Variants in F2RL3 observed in about 807,000 individuals in gnomAD.
F2RL3 encodes proteinase-activated receptor 4.
A neutral mutation model predicts 4.9 loss-of-function variants in F2RL3; 3 were observed. That is an observed-to-expected ratio of 0.61 (90% CI 0.28 to 1.58). The LOEUF (loss-of-function observed/expected upper bound fraction) is 1.58. F2RL3 is among the 40% of genes most tolerant of loss of function. The pLI is 0.11. For synonymous variants in F2RL3, 284 were observed against 278.4 expected, an observed-to-expected ratio of 1.02 and a Z score of -0.20; for missense variants, 564 against 550.4, an observed-to-expected ratio of 1.02 and a Z score of -0.25.
chr19:16,892,368 A>G lies in F2RL3; in HGVS notation c.*1747A>G, dbSNP rs1483965506. On this transcript the variant is annotated 3_prime_UTR_variant, in exon 2 of 2. Transcript: ENST00000248076. ...CCCCCAACTCTGCTCCCCAAAACCC[A>G]TCACTAGCACGGCTCAGCCTCCTGC... is the stretch of plus-strand genomic sequence containing the variant. 2.0e-5 allele frequency: 3 copies of G among 152,744 alleles called. No homozygotes were observed. Among genetic ancestry groups the G allele is most frequent in the Admixed American group, 6.5e-5 (1 of 15,332 alleles). 9.5% of individuals were successfully genotyped at this position (152,744 alleles called of 1,614,324 possible).
rs2051782823 is a variant in F2RL3, at chr19:16,890,888, A to C, written c.*267A>C. On this transcript the variant is annotated 3_prime_UTR_variant, in exon 2 of 2. Coordinates refer to ENST00000248076, the MANE Select transcript of F2RL3 (RefSeq NM_003950.4). The stretch of plus-strand genomic sequence containing the variant: ...TGGATCACTTGAGCCCAGGAGTTCA[A>C]CACCAGCCTGAGCAACATGGTAAAA... 2.2e-6 allele frequency: 1 copy of C among 458,234 alleles called. No individual in the cohort carries two copies. The highest frequency in any genetic ancestry group is 3.9e-6 in the Non-Finnish European group (1 of 258,544). The allele number at this position is 458,234 out of a possible 1,614,324, so 28.4% of individuals were successfully genotyped here. A position where few individuals can be genotyped will look rare whatever the true frequency, so the allele number is the denominator to read the frequency against.
rs200157063 is a variant in F2RL3, at chr19:16,889,774, C to T, written c.311C>T (p.Thr104Met). The change falls in exon 2 of 2, where the codon ACG (threonine) becomes ATG (methionine). Residue 104 changes from threonine (T) to methionine (M), a missense_variant. Transcript: ENST00000248076. ...GGGCTGGCGCTGTGGGTGCTGGCCA[C>T]GCAGGCACCTCGGCTGCCCTCCACC... ...ANGLALWVLA[T>M]QAPRLPSTML... 1.6e-4 allele frequency: 261 copies of T among 1,599,102 alleles called. No homozygotes were observed. In the African/African-American group the frequency reaches 1.9e-3, roughly 12 times the overall value.
Position 16,890,829 on chromosome 19 carries a change from C to T in F2RL3, c.*208C>T. 1 of 583,036 alleles carries T rather than the reference C, an allele frequency of 1.7e-6. No homozygotes were observed. Among genetic ancestry groups the T allele is most frequent in the Non-Finnish European group, 3.0e-6 (1 of 330,766 alleles). 36.1% of individuals were successfully genotyped at this position (583,036 alleles called of 1,614,324 possible). On this transcript the variant is annotated 3_prime_UTR_variant, in exon 2 of 2. Coordinates refer to ENST00000248076, the MANE Select transcript of F2RL3 (RefSeq NM_003950.4). ...AGAGGCCAGGCCTGGTGGCTCACGC[C>T]TGTAATCCCAGCACTTTAAGAGGCC...
Position 16,890,824 on chromosome 19 carries a change from C to T in F2RL3, c.*203C>T, listed in dbSNP as rs1008177338. Reference sequence around the variant, plus strand: ...TAAGGAGAGGCCAGGCCTGGTGGCTCACGCCTGTAATCCCAGCACTTTAAG... The same window carrying T: ...TAAGGAGAGGCCAGGCCTGGTGGCTTACGCCTGTAATCCCAGCACTTTAAG... On this transcript the variant is annotated 3_prime_UTR_variant, in exon 2 of 2. Coordinates refer to ENST00000248076, the MANE Select transcript of F2RL3 (RefSeq NM_003950.4). The T allele has an allele frequency of 6.8e-6, 4 of 588,942 alleles. No individual in the cohort carries two copies. The African/African-American group carries it at 7.5e-5, about 11-fold the overall frequency. 36.5% of individuals were successfully genotyped at this position (588,942 alleles called of 1,614,324 possible).
In F2RL3 at chr19:16,890,966, G is replaced by A. The variant is rs994676154; in HGVS notation, c.*345G>A. ...TAGCTGGGCTTGGTGGCTGGCGCCT[G>A]TAATCCCAGCTACTCAGGAGACTGA... On this transcript the variant is annotated 3_prime_UTR_variant, in exon 2 of 2. Coordinates refer to ENST00000248076, the MANE Select transcript of F2RL3 (RefSeq NM_003950.4). 4.3e-6 allele frequency: 1 copy of A among 235,240 alleles called. No homozygotes were observed. Among genetic ancestry groups the A allele is most frequent in the Non-Finnish European group, 8.3e-6 (1 of 120,556 alleles). The allele number at this position is 235,240 out of a possible 1,614,324, so 14.6% of individuals were successfully genotyped here.
chr19:16,892,274 G>C lies in F2RL3; in HGVS notation c.*1653G>C, dbSNP rs1278986820. ...ATGCTGTGGCCCCACCAGGCCCAGA[G>C]CCTGGTTGGCCATTCTCATGCCCAC... is the stretch of plus-strand genomic sequence containing the variant. On this transcript the variant is annotated 3_prime_UTR_variant, in exon 2 of 2. Coordinates refer to ENST00000248076, the MANE Select transcript of F2RL3 (RefSeq NM_003950.4). 6.6e-6 allele frequency: 1 copy of C among 152,338 alleles called. No homozygotes were observed. The highest frequency in any genetic ancestry group is 1.5e-5 in the Non-Finnish European group (1 of 68,146). The allele number at this position is 152,338 out of a possible 1,614,324, so 9.4% of individuals were successfully genotyped here.
chr19:16,890,696 A>G lies in F2RL3; in HGVS notation c.*75A>G, dbSNP rs1449753222. On this transcript the variant is annotated 3_prime_UTR_variant, in exon 2 of 2. Transcript: ENST00000248076. Reference sequence around the variant, plus strand: ...TTCACGTCCTTCCTGGGACCTCAGAATGTGACCTTATTTGGAAATAGGGTT... The same window carrying G: ...TTCACGTCCTTCCTGGGACCTCAGAGTGTGACCTTATTTGGAAATAGGGTT... 1 of 1,105,822 alleles carries G rather than the reference A, an allele frequency of 9.0e-7. No individual in the cohort carries two copies. Among genetic ancestry groups the G allele is most frequent in the Non-Finnish European group, 1.3e-6 (1 of 788,552 alleles). The allele number at this position is 1,105,822 out of a possible 1,614,324, so 68.5% of individuals were successfully genotyped here.
rs1286177237 is a variant in F2RL3, at chr19:16,890,517, C to T, written c.1054C>T (p.Arg352Trp). ...GTCGGCCGAGTTCAGGGACAAGGTG[C>T]GGGCAGGGCTCTTCCAACGGTCGCC... The part of the protein sequence containing the change: ...YVSAEFRDKV[R>W]AGLFQRSPGD... Residue 352 changes from arginine to tryptophan, a missense_variant, in exon 2 of 2, where the codon CGG becomes TGG. Transcript: ENST00000248076. 9 of 1,612,368 alleles carry T rather than the reference C, an allele frequency of 5.6e-6. No homozygotes were observed. The highest frequency in any genetic ancestry group is 4.4e-5 in the South Asian group (4 of 90,990).
In F2RL3 at chr19:16,890,294, C is replaced by T; in HGVS notation, c.831C>T (p.Arg277=). Residue 277 remains arginine (R), a synonymous_variant, in exon 2 of 2, where the codon CGC becomes CGT. Transcript: ENST00000248076. ...ACACGCTGGCGGCCAGCGGCCGGCG[C>T]TACGGCCACGCGCTGAGGCTGACCG... ...TLHTLAASGR[R]YGHALRLTAV... 6.4e-7 allele frequency: 1 copy of T among 1,563,984 alleles called. No individual in the cohort carries two copies. The highest frequency in any genetic ancestry group is 8.6e-7 in the Non-Finnish European group (1 of 1,161,120).
chr19:16,889,928 A>G lies in F2RL3; in HGVS notation c.465A>G (p.Ala155=), dbSNP rs763263524. Residue 155 remains alanine (A), a synonymous_variant, in exon 2 of 2, where the codon GCA becomes GCG. Coordinates refer to ENST00000248076, the MANE Select transcript of F2RL3 (RefSeq NM_003950.4). ...CCGCCTGCCGCCTGGCCACGGCCGC[A>G]CTCTATGGTCACATGTATGGCTCAG... ...GEAACRLATA[A]LYGHMYGSVL... is the part of the protein sequence containing the mutation. The G allele has an allele frequency of 1.9e-6, 3 of 1,586,240 alleles. No individual in the cohort carries two copies. Among genetic ancestry groups the G allele is most frequent in the Non-Finnish European group, 2.6e-6 (3 of 1,170,668 alleles).
rs1391570944 is a variant in F2RL3, at chr19:16,891,860, T to C, written c.*1239T>C. 1.5e-4 allele frequency: 23 copies of C among 152,496 alleles called. No individual in the cohort carries two copies. Among genetic ancestry groups the C allele is most frequent in the Admixed American group, 1.4e-3 (22 of 15,286 alleles). The allele number at this position is 152,496 out of a possible 1,614,324, so 9.4% of individuals were successfully genotyped here. On this transcript the variant is annotated 3_prime_UTR_variant, in exon 2 of 2. Transcript: ENST00000248076. Reference sequence around the variant, plus strand: ...ATGCGGACGGACACAAACTAAGGGATGCCACGATGCCAAGCACAGCCAACA... The same window carrying C: ...ATGCGGACGGACACAAACTAAGGGACGCCACGATGCCAAGCACAGCCAACA...
chr19:16,890,366 G>T lies in F2RL3; in HGVS notation c.903G>T (p.Leu301=), dbSNP rs756526356. The T allele has an allele frequency of 1.9e-6, 3 of 1,579,238 alleles. No individual in the cohort carries two copies. Among genetic ancestry groups the T allele is most frequent in the East Asian group, 4.5e-5 (2 of 43,980 alleles). ...SAVAFFVPSN[L]LLLLHYSDPS... is the part of the protein sequence containing the mutation. The stretch of plus-strand genomic sequence containing the variant: ...TGGCCTTCTTCGTGCCCAGCAACCT[G>T]CTGCTGCTGCTGCATTACTCGGACC... Residue 301 remains leucine (L), a synonymous_variant, in exon 2 of 2, where the codon CTG becomes CTT. Transcript: ENST00000248076.
At position 16,889,961 on chromosome 19, in the gene F2RL3, G is replaced by A. The variant is rs1270593207; in HGVS notation, c.498G>A (p.Leu166=). The A allele has an allele frequency of 5.0e-6, 8 of 1,593,712 alleles. No homozygotes were observed. Among genetic ancestry groups the A allele is most frequent in the African/African-American group, 4.0e-5 (3 of 74,854 alleles). Residue 166 remains leucine (L), a synonymous_variant, in exon 2 of 2, where the codon CTG becomes CTA. Transcript: ENST00000248076. ...LYGHMYGSVL[L]LAAVSLDRYL... is the part of the protein sequence containing the mutation. The stretch of plus-strand genomic sequence containing the variant: ...GTCACATGTATGGCTCAGTGCTGCT[G>A]CTGGCCGCCGTCAGCCTGGATCGCT...
chr19:16,890,895 C>A lies in F2RL3; in HGVS notation c.*274C>A. On this transcript the variant is annotated 3_prime_UTR_variant, in exon 2 of 2. Coordinates refer to ENST00000248076, the MANE Select transcript of F2RL3 (RefSeq NM_003950.4). ...CTTGAGCCCAGGAGTTCAACACCAG[C>A]CTGAGCAACATGGTAAAACCCCATC... The A allele has an allele frequency of 4.6e-6, 2 of 431,498 alleles. No homozygotes were observed. Among genetic ancestry groups the A allele is most frequent in the Non-Finnish European group, 8.2e-6 (2 of 243,076 alleles). 26.7% of individuals were successfully genotyped at this position (431,498 alleles called of 1,614,324 possible). A position where few individuals can be genotyped will look rare whatever the true frequency, so the allele number is the denominator to read the frequency against.
In F2RL3 at chr19:16,890,037, C is replaced by T; in HGVS notation, c.574C>T (p.Leu192=). Residue 192 remains leucine, a synonymous_variant, in exon 2 of 2, where the codon CTG becomes TTG. Coordinates refer to ENST00000248076, the MANE Select transcript of F2RL3 (RefSeq NM_003950.4). ...LRARALRGRR[L]ALGLCMAAWL... is the part of the protein sequence containing the mutation. ...GGCCCGCGCCCTGCGTGGCCGGCGC[C>T]TGGCCCTTGGACTCTGCATGGCTGC... 6.3e-7 allele frequency: 1 copy of T among 1,598,670 alleles called. No individual in the cohort carries two copies. Among genetic ancestry groups the T allele is most frequent in the Non-Finnish European group, 8.5e-7 (1 of 1,178,398 alleles).
chr19:16,890,900 G>A lies in F2RL3; in HGVS notation c.*279G>A. ...GCCCAGGAGTTCAACACCAGCCTGA[G>A]CAACATGGTAAAACCCCATCTCTAC... On this transcript the variant is annotated 3_prime_UTR_variant, in exon 2 of 2. Coordinates refer to ENST00000248076, the MANE Select transcript of F2RL3 (RefSeq NM_003950.4). The A allele has an allele frequency of 2.4e-6, 1 of 410,408 alleles. No homozygotes were observed. The highest frequency in any genetic ancestry group is 3.6e-5 in the South Asian group (1 of 27,654). The allele number at this position is 410,408 out of a possible 1,614,324, so 25.4% of individuals were successfully genotyped here. A position where few individuals can be genotyped will look rare whatever the true frequency, so the allele number is the denominator to read the frequency against.
rs759282317 is a variant in F2RL3 at position 16,890,330 on chromosome 19, G to A, written c.867G>A (p.Leu289=). ...CGCTGAGGCTGACCGCAGTGGTGCTGGCCTCCGCCGTGGCCTTCTTCGTGC... is the reference window on the plus strand; with the variant it reads ...CGCTGAGGCTGACCGCAGTGGTGCTAGCCTCCGCCGTGGCCTTCTTCGTGC... ...GHALRLTAVV[L]ASAVAFFVPS... is the part of the protein sequence containing the mutation. Residue 289 remains leucine, a synonymous_variant, in exon 2 of 2, where the codon CTG becomes CTA. Coordinates refer to ENST00000248076, the MANE Select transcript of F2RL3 (RefSeq NM_003950.4). 23 of 1,590,962 alleles carry A rather than the reference G, an allele frequency of 1.4e-5. No individual in the cohort carries two copies. Among genetic ancestry groups the A allele is most frequent in the Non-Finnish European group, 1.8e-5 (21 of 1,173,694 alleles).
intron 1 of F2RL3, 122 bp downstream of exon 1, chr19:16,889,420 C>A: frequency 8.7e-7 from 1 of 1,152,480 alleles, no homozygotes; most frequent in Non-Finnish European, 1.2e-6. Context: ...CTCTGTATCC[C>A]GTCTCTGACC....
rs2051797528 is a variant in F2RL3, at chr19:16,891,861, G to A, written c.*1240G>A. ...TGCGGACGGACACAAACTAAGGGAT[G>A]CCACGATGCCAAGCACAGCCAACAG... On this transcript the variant is annotated 3_prime_UTR_variant, in exon 2 of 2. Coordinates refer to ENST00000248076, the MANE Select transcript of F2RL3 (RefSeq NM_003950.4). 1 of 152,628 alleles carries A rather than the reference G, an allele frequency of 6.6e-6. No homozygotes were observed. Among genetic ancestry groups the A allele is most frequent in the Non-Finnish European group, 1.5e-5 (1 of 68,360 alleles). The allele number at this position is 152,628 out of a possible 1,614,324, so 9.5% of individuals were successfully genotyped here. A position where few individuals can be genotyped will look rare whatever the true frequency, so the allele number is the denominator to read the frequency against.
Sources: gnomAD v4.1 joint callset for allele counts on GRCh38, gnomAD v4.1.1 for gene constraint, MANE v1.5 for transcripts, NCBI Gene and HGNC (gene_info 2026-07-23, HGNC 2026-07-21) for gene names.